The following NIBAN1 variants were observed in gnomAD, a reference collection of about 807,000 sequenced individuals.
NIBAN1 encodes the protein niban apoptosis regulator 1.
NIBAN1 carries 81 observed loss-of-function variants against 75.1 expected under a neutral mutation model. That is an observed-to-expected ratio of 1.08 (90% confidence interval 0.90 to 1.30). The LOEUF (loss-of-function observed/expected upper bound fraction) is 1.30. Among genes scored for constraint, NIBAN1 ranks in the 50% most tolerant of loss-of-function variants. NIBAN1 has a pLI of 0.00. For missense variants in NIBAN1, 1,133 were observed against 1,128.1 expected (o/e 1.00, Z -0.06); for synonymous variants, 436 against 424.8 (o/e 1.03, Z -0.32).
intron 1 of NIBAN1, among the ~76,000 whole-genome samples, chr1:184,951,164 T>C (rs1658348577): frequency 2.6e-5 from 4 of 152,256 alleles, no homozygotes; most frequent in Admixed American, 2.6e-4. Context: ...ATATTAGCTG[T>C]GTGGCCTTTG....
Position 184,865,518 on chromosome 1 carries a change from C to T in NIBAN1, c.601+19115G>A, listed in dbSNP as rs557830879. Among the ~76,000 whole-genome samples, 3 of 152,090 alleles carry T rather than the reference C, an allele frequency of 2.0e-5. No individual in the cohort carries two copies. The East Asian group carries it at 5.8e-4, about 29-fold the overall frequency. ...TATACTATGCTCAGTACTTGGGTAA[C>T]GAGACCATTCATACCCCAAACCTCA... On this transcript the variant is annotated intron_variant, in intron 5 of 13. Coordinates refer to ENST00000367511, the MANE Select transcript of NIBAN1 (RefSeq NM_052966.4).
At chr1:184,798,808 C>T (rs1234662964) in intron 12 of NIBAN1, among the ~76,000 whole-genome samples, 1 of 152,000 alleles carries the variant, frequency 6.6e-6, no homozygotes, top group Non-Finnish European at 1.5e-5. Flanking sequence ...GATTTTATAC[C>T]TATCATGATA....
At position 184,793,985 on chromosome 1, in the gene NIBAN1, G is replaced by T. The variant is rs1043065187; in HGVS notation, c.*992C>A. On this transcript the variant is annotated 3_prime_UTR_variant, in exon 14 of 14. Transcript: ENST00000367511. The stretch of plus-strand genomic sequence containing the variant: ...TTGTGCCCTTCTGGGAATGAACCAG[G>T]ACTATTTGAATGGAAAGAGAAAAAA... 1 of 151,500 alleles carries T rather than the reference G, an allele frequency of 6.6e-6. No homozygotes were observed. Among genetic ancestry groups the T allele is most frequent in the African/African-American group, 2.4e-5 (1 of 41,228 alleles). 9.4% of individuals were successfully genotyped at this position (151,500 alleles called of 1,614,324 possible).
In NIBAN1 at chr1:184,795,669, C is replaced by T. The variant is rs1304907525; in HGVS notation, c.2095G>A (p.Glu699Lys). 8.7e-6 allele frequency: 14 copies of T among 1,614,064 alleles called. No individual in the cohort carries two copies. The highest frequency in any genetic ancestry group is 4.5e-5 in the East Asian group (2 of 44,902). The part of the protein sequence containing the change: ...TLEDEEPAQE[E>K]PEPITASGSL... ...CCCGAGGCAGTGATGGGTTCTGGCTCTTCCTGGGCGGGTTCTTCATCCTCA... is the reference window on the plus strand; with the variant it reads ...CCCGAGGCAGTGATGGGTTCTGGCTTTTCCTGGGCGGGTTCTTCATCCTCA... The change falls in exon 14 of 14, where the codon GAG (glutamate) becomes AAG (lysine). Residue 699 changes from glutamate (E) to lysine (K), a missense_variant. Physicochemically the swap from Glu to Lys is moderately conservative, Grantham distance 56. Transcript: ENST00000367511.
At chr1:184,959,858 G>C (rs1658584012) in intron 1 of NIBAN1, among the ~76,000 whole-genome samples, 1 of 152,152 alleles carries the variant, frequency 6.6e-6, no homozygotes, top group Non-Finnish European at 1.5e-5. Context: ...TGAAGTCCAG[G>C]AATTCTTTGG....
rs1654602664 is a variant in NIBAN1, at chr1:184,818,562, A to G, written c.1173+76T>C. 14 of 1,343,604 alleles carry G rather than the reference A, an allele frequency of 1.0e-5. 1 individual carries two copies. The South Asian group carries it at 2.3e-4, about 22-fold the overall frequency. The allele number at this position is 1,343,604 out of a possible 1,614,324, so 83.2% of individuals were successfully genotyped here. On this transcript the variant is annotated intron_variant, in intron 9 of 13. Transcript: ENST00000367511. Reference sequence around the variant, plus strand: ...GGAAAGAAGGGAGGAAGGGAGGGAGAAATGGCAGATAAAGCCCCATGGAAA... The same window carrying G: ...GGAAAGAAGGGAGGAAGGGAGGGAGGAATGGCAGATAAAGCCCCATGGAAA...
intron 5 of NIBAN1, among the ~76,000 whole-genome samples, chr1:184,873,993 A>G (rs1260006418): frequency 1.3e-5 from 2 of 152,176 alleles, no homozygotes; most frequent in African/African-American, 2.4e-5. Context: ...TAAGTCCACA[A>G]CAACCTATAA....
chr1:184,883,370 G>C (rs1053790569), intron 5 of NIBAN1, among the ~76,000 whole-genome samples: 5 of 152,186 alleles, frequency 3.3e-5, no homozygotes, highest in Non-Finnish European at 5.9e-5. Flanking sequence ...AACTCCCAGA[G>C]ACAGGAACTC....
intron 9 of NIBAN1, among the ~76,000 whole-genome samples, chr1:184,809,626 T>C (rs574526570): frequency 1.1e-3 from 165 of 144,038 alleles, no homozygotes; most frequent in African/African-American, 4.2e-3. Context: ...TATATACACA[T>C]ATATATGTGT....
At chr1:184,822,200 C>T (rs1488584291) in intron 8 of NIBAN1, among the ~76,000 whole-genome samples, 1 of 152,190 alleles carries the variant, frequency 6.6e-6, no homozygotes, top group Non-Finnish European at 1.5e-5. Context: ...CAAGCTTCTC[C>T]TCTGAAGTGA....
At chr1:184,812,944 T>G (rs182674287) in intron 9 of NIBAN1, among the ~76,000 whole-genome samples, 154 of 152,336 alleles carry the variant, frequency 1.0e-3, no homozygotes, top group African/African-American at 3.5e-3. Context: ...TTTGGTAAAG[T>G]TCAAAAGCCA....
chr1:184,826,543 G>C (rs1654846452), intron 6 of NIBAN1, among the ~76,000 whole-genome samples: 1 of 152,182 alleles, frequency 6.6e-6, no homozygotes, highest in Non-Finnish European at 1.5e-5. Flanking sequence ...AGTGAGCCAA[G>C]AGGAAGAGAG....
At chr1:184,814,685 T>A (rs1224446225) in intron 9 of NIBAN1, among the ~76,000 whole-genome samples, 3 of 152,246 alleles carry the variant, frequency 2.0e-5, no homozygotes, top group Non-Finnish European at 2.9e-5. Flanking sequence ...ACCTGTGGTA[T>A]TTGACAAACC....
intron 13 of NIBAN1, 140 bp from the exon 14 acceptor site, chr1:184,796,237 T>C: frequency 1.3e-6 from 1 of 756,214 alleles, no homozygotes; most frequent in East Asian, 2.9e-5. Context: ...ATGACCAAAG[T>C]CTATAAACTC....
rs1010325227 is a variant in NIBAN1, at chr1:184,884,277, G to A, written c.601+356C>T. Among the ~76,000 whole-genome samples, 9 of 138,812 alleles carry A rather than the reference G, an allele frequency of 6.5e-5. No individual in the cohort carries two copies. The South Asian group carries it at 9.3e-4, about 14-fold the overall frequency. The allele number at this position is 138,812 out of a possible 152,430, so 91.1% of individuals were successfully genotyped here. ...CTTGCACTGTCATCTGGGCTGGAGT[G>A]CAGTGGCGCGATCTCGGCTCACCAC... On this transcript the variant is annotated intron_variant, in intron 5 of 13. Coordinates refer to ENST00000367511, the MANE Select transcript of NIBAN1 (RefSeq NM_052966.4).
intron 5 of NIBAN1, among the ~76,000 whole-genome samples, chr1:184,867,639 C>T (rs954884315): frequency 1.3e-5 from 2 of 152,218 alleles, no homozygotes; most frequent in Admixed American, 6.5e-5. Flanking sequence ...CCCGAGTTCA[C>T]TTAAAGTGAG....
rs551956959 is a variant in NIBAN1 at position 184,827,299 on chromosome 1, C to T, written c.718-3557G>A. Among the ~76,000 whole-genome samples the T allele has an allele frequency of 1.1e-4, 17 of 152,114 alleles. 1 individual carries two copies. The South Asian group carries it at 1.2e-3, about 11-fold the overall frequency. ...TGTGGGTGCTGAAGCTCAAGTGCAT[C>T]GCATCCCAACCACCATCCTCATCCT... On this transcript the variant is annotated intron_variant, in intron 6 of 13. Transcript: ENST00000367511.
At chr1:184,881,879 G>T (rs1346665732) in intron 5 of NIBAN1, among the ~76,000 whole-genome samples, 1 of 152,134 alleles carries the variant, frequency 6.6e-6, no homozygotes, top group Non-Finnish European at 1.5e-5. Flanking sequence ...TTATTAACAA[G>T]GTGTTTATGA....
intron 1 of NIBAN1, among the ~76,000 whole-genome samples, chr1:184,940,904 G>A (rs1205251744): frequency 1.3e-5 from 2 of 152,180 alleles, no homozygotes; most frequent in Non-Finnish European, 2.9e-5. Context: ...TGTTGAACAG[G>A]TTGACTTCCT....
Sources: gnomAD v4.1 joint callset for allele counts (sites outside exome capture counted in the v4.1 genomes callset) on GRCh38, gnomAD v4.1.1 for gene constraint, MANE v1.5 for transcripts, NCBI Gene and HGNC (gene_info 2026-07-23, HGNC 2026-07-21) for gene names.